ATL1: variants seen among roughly 807,000 people sequenced by gnomAD.
ATL1 encodes atlastin GTPase 1, also known as atlastin-1.
ATL1 carries 31 observed loss-of-function variants against 75.5 expected under a neutral mutation model. The ratio of observed to expected loss-of-function variants is 0.41; its 90% CI spans 0.31 to 0.55. The LOEUF (loss-of-function observed/expected upper bound fraction) is 0.55, where lower values mean the gene tolerates loss of function less well. ATL1 is among the 20% of genes least tolerant of loss of function. ATL1 has a pLI of 0.27. For missense variants in ATL1, 405 were observed against 662.6 expected (o/e 0.61, Z 4.27); for synonymous variants, 226 against 233.3 (o/e 0.97, Z 0.28).
At chr14:50,565,706 T>C (rs952940349) in intron 1 of ATL1, among the ~76,000 whole-genome samples, 1 of 152,200 alleles carries the variant, frequency 6.6e-6, no homozygotes, top group African/African-American at 2.4e-5. Flanking sequence ...CTGCAGACTT[T>C]ATTATCTTTA....
intron 6 of ATL1, among the ~76,000 whole-genome samples, chr14:50,612,558 T>C (rs2039375987): frequency 6.6e-6 from 1 of 152,204 alleles, no homozygotes; most frequent in African/African-American, 2.4e-5. Context: ...TCATCTCATC[T>C]TCCTTTTAGT....
chr14:50,613,686 C>A (rs542818738), intron 7 of ATL1, among the ~76,000 whole-genome samples: 1 of 152,244 alleles, frequency 6.6e-6, no homozygotes, highest in Non-Finnish European at 1.5e-5. Context: ...AATTAGAAGA[C>A]CTTCCACTTT....
chr14:50,568,994 A>G (rs1172705845), intron 1 of ATL1, among the ~76,000 whole-genome samples: 5 of 152,094 alleles, frequency 3.3e-5, no homozygotes, highest in African/African-American at 1.2e-4. Flanking sequence ...AGTTATTGGT[A>G]TCATAAAAGT....
chr14:50,534,983 C>G (rs989281688), intron 1 of ATL1, among the ~76,000 whole-genome samples: 1 of 152,100 alleles, frequency 6.6e-6, no homozygotes, highest in African/African-American at 2.4e-5. Flanking sequence ...TGGTAACTGA[C>G]CAGAGAGTTT....
intron 13 of ATL1, among the ~76,000 whole-genome samples, chr14:50,630,507 A>C (rs531659900): frequency 6.6e-6 from 1 of 151,766 alleles, no homozygotes; most frequent in Non-Finnish European, 1.5e-5. Flanking sequence ...CTGACCTGTA[A>C]ATTAGTGTTC....
intron 1 of ATL1, among the ~76,000 whole-genome samples, chr14:50,542,345 CG>C (rs1208371767): frequency 3.3e-5 from 5 of 151,864 alleles, no homozygotes; most frequent in African/African-American, 1.2e-4. Flanking sequence ...CTAATGCATA[CG>C]GGACTTAAAA....
At chr14:50,590,904 T>C (rs759686747) in intron 2 of ATL1, 37 bp from the exon 3 acceptor site, 11 of 1,605,884 alleles carry the variant, frequency 6.8e-6, no homozygotes, top group Non-Finnish European at 8.5e-6. Flanking sequence ...TATATACACA[T>C]ATCAAGTTCC....
chr14:50,628,084 C>G lies in ATL1; in HGVS notation c.1173C>G (p.His391Gln), dbSNP rs149340140. 1.2e-6 allele frequency: 2 copies of G among 1,614,024 alleles called. No homozygotes were observed. The highest frequency in any genetic ancestry group is 1.7e-6 in the Non-Finnish European group (2 of 1,180,028). The change falls in exon 12 of 14, where the codon CAC (histidine) becomes CAG (glutamine). Residue 391 changes from histidine (H) to glutamine (Q), a missense_variant. This residue lies in a region of ATL1 where 163 missense variants were observed against 244.1 expected (regional missense o/e 0.67). Transcript: ENST00000358385. ...FLAPNDLQTK[H>Q]LQLKEESVKL... ...CCCCAAATGACTTGCAGACCAAACA[C>G]CTGCAACTTAAGGAAGAATCTGTGA...
rs770060099 is a variant in ATL1, at chr14:50,595,563, AT to A, written c.574-5del. The A allele has an allele frequency of 6.8e-6, 11 of 1,608,844 alleles. No homozygotes were observed. The highest frequency in any genetic ancestry group is 1.6e-4 in the Middle Eastern group (1 of 6,072). On this transcript the variant is annotated splice_polypyrimidine_tract_variant and intron_variant, in intron 5 of 13. Transcript: ENST00000358385. ...CTCTCTGTGTATGTGTGTGTGTGTA[AT>A]TTTTTTTCTAGCTTTTCACTGAGTA...
chr14:50,628,158 G>A lies in ATL1; in HGVS notation c.1247G>A (p.Arg416His), dbSNP rs1395551564. The A allele has an allele frequency of 1.6e-5, 26 of 1,614,056 alleles. No individual in the cohort carries two copies. Among genetic ancestry groups the A allele is most frequent in the Non-Finnish European group, 2.0e-5 (24 of 1,180,044 alleles). ...KKMGGEEFSR[R>H]YLQQLESEID... ...ATGGGTGGGGAAGAATTTAGCCGGCGTTACCTGCAGCAGTTGGAGAGTGAA... is the reference window on the plus strand; with the variant it reads ...ATGGGTGGGGAAGAATTTAGCCGGCATTACCTGCAGCAGTTGGAGAGTGAA... The change falls in exon 12 of 14, where the codon CGT (arginine) becomes CAT (histidine). Residue 416 changes from arginine to histidine, a missense_variant. Transcript: ENST00000358385.
At chr14:50,541,403 C>A (rs79293985) in intron 1 of ATL1, among the ~76,000 whole-genome samples, 2 of 152,212 alleles carry the variant, frequency 1.3e-5, no homozygotes, top group African/African-American at 4.8e-5. Flanking sequence ...AGGAACCTGA[C>A]ACATTAGTGA....
At chr14:50,614,244 A>G in intron 7 of ATL1, 129 bp from the exon 8 acceptor site, 2 of 1,015,576 alleles carry the variant, frequency 2.0e-6, no homozygotes, top group Non-Finnish European at 3.0e-6. Flanking sequence ...TTCTTTCTTT[A>G]GTAGCAGCCC....
chr14:50,538,512 A>C (rs1285289710), intron 1 of ATL1, among the ~76,000 whole-genome samples: 1 of 152,226 alleles, frequency 6.6e-6, no homozygotes, highest in Non-Finnish European at 1.5e-5. Flanking sequence ...AGCTAAGAAA[A>C]GATAGCAGAT....
intron 1 of ATL1, among the ~76,000 whole-genome samples, chr14:50,573,187 G>A (rs1178505408): frequency 6.6e-6 from 1 of 152,156 alleles, no homozygotes; most frequent in African/African-American, 2.4e-5. Flanking sequence ...CACAGAGCCA[G>A]ACCATATCAG....
chr14:50,591,913 C>G, intron 4 of ATL1: 1 of 369,098 alleles, frequency 2.7e-6, no homozygotes, highest in Non-Finnish European at 5.0e-6. Context: ...TTAAAGCCTA[C>G]AATAAACTCA....
chr14:50,548,206 C>A (rs2038658605), intron 1 of ATL1, among the ~76,000 whole-genome samples: 1 of 152,162 alleles, frequency 6.6e-6, no homozygotes, highest in South Asian at 2.1e-4. Flanking sequence ...GTTCCCCAGA[C>A]AGTAAAGCAA....
At chr14:50,534,380 CAAG>C (rs1399941656) in intron 1 of ATL1, among the ~76,000 whole-genome samples, 1 of 152,162 alleles carries the variant, frequency 6.6e-6, no homozygotes, top group African/African-American at 2.4e-5. Flanking sequence ...ACCAATTGAT[CAAG>C]AAGAGGCATA....
intron 8 of ATL1, among the ~76,000 whole-genome samples, chr14:50,618,707 C>T (rs886957291): frequency 6.6e-6 from 1 of 152,052 alleles, no homozygotes; most frequent in Admixed American, 6.5e-5. Flanking sequence ...TTCAAAATCA[C>T]CAACCCCAAA....
At chr14:50,600,022 G>A (rs1393769642) in intron 6 of ATL1, among the ~76,000 whole-genome samples, 6 of 151,156 alleles carry the variant, frequency 4.0e-5, no homozygotes, top group Non-Finnish European at 8.8e-5. Flanking sequence ...GATCGTTGAA[G>A]TGCTATATGG....
Sources: gnomAD v4.1 joint callset for allele counts (sites outside exome capture counted in the v4.1 genomes callset) on GRCh38, gnomAD v4.1.1 for gene constraint, gnomAD v4.1.1 regional missense constraint, MANE v1.5 for transcripts, NCBI Gene and HGNC (gene_info 2026-07-23, HGNC 2026-07-21) for gene names.